Variants in COL18A1 observed in about 807,000 individuals in gnomAD.
COL18A1 encodes the protein collagen alpha-1(XVIII) chain.
COL18A1 carries 133 observed loss-of-function variants against 168.0 expected under a neutral mutation model. The observed-to-expected ratio is 0.79, with a 90% CI of 0.69 to 0.91. The LOEUF (loss-of-function observed/expected upper bound fraction) is 0.91, where lower values mean the gene tolerates loss of function less well. COL18A1 is among the 40% of genes least tolerant of loss of function. The probability of loss-of-function intolerance (pLI) is 0.00; values close to 1 mark genes in which losing one functional copy is unlikely to be tolerated. For missense variants in COL18A1, 2,126 were observed against 1,925.4 expected, an observed-to-expected ratio of 1.10 and a Z score of -1.95; for synonymous variants, 949 against 809.0, an observed-to-expected ratio of 1.17 and a Z score of -2.94.
intron 2 of COL18A1, among the ~76,000 whole-genome samples, chr21:45,451,027 G>A (rs143897917): frequency 0.012 from 1,839 of 152,354 alleles, 15 homozygotes; most frequent in Non-Finnish European, 0.018. Flanking sequence ...CTGGAGACAG[G>A]GCCCGACTCT....
chr21:45,488,527 T>C (rs2036193283), intron 18 of COL18A1, 83 bp downstream of exon 18: 2 of 1,601,486 alleles, frequency 1.2e-6, no homozygotes, highest in Non-Finnish European at 1.7e-6. Context: ...GACAGGGCCT[T>C]GCCTCGGGTT....
rs1221900745 is a variant in COL18A1, at chr21:45,513,094, A to AGAT, written c.*700_*702dup. 2 of 154,510 alleles carry AGAT rather than the reference A, an allele frequency of 1.3e-5. No homozygotes were observed. Among genetic ancestry groups the AGAT allele is most frequent in the South Asian group, 2.0e-4 (1 of 4,972 alleles). The allele number at this position is 154,510 out of a possible 1,614,324, so 9.6% of individuals were successfully genotyped here. A position where few individuals can be genotyped will look rare whatever the true frequency, so the allele number is the denominator to read the frequency against. ...GGGCTGGCCTCCCAAATGAGCCATG[A>AGAT]GATGATACATCCAAAGCAGACAGCT... is the stretch of plus-strand genomic sequence containing the variant. On this transcript the variant is annotated 3_prime_UTR_variant, in exon 42 of 42. Coordinates refer to ENST00000651438, the MANE Select transcript of COL18A1 (RefSeq NM_001379500.1).
intron 2 of COL18A1, among the ~76,000 whole-genome samples, chr21:45,414,748 A>T (rs2033394352): frequency 6.6e-6 from 1 of 152,130 alleles, no homozygotes; most frequent in Non-Finnish European, 1.5e-5. Flanking sequence ...CAAAACCCTC[A>T]TTTATGCTTC....
At chr21:45,427,599 G>C (rs985670874) in intron 2 of COL18A1, among the ~76,000 whole-genome samples, 2 of 152,194 alleles carry the variant, frequency 1.3e-5, no homozygotes, top group Non-Finnish European at 2.9e-5. Flanking sequence ...CACGGCGGGC[G>C]GGGAGCGGAA....
Position 45,423,502 on chromosome 21 carries a change from C to A in COL18A1, c.106+18029C>A, listed in dbSNP as rs1259358155. On this transcript the variant is annotated intron_variant, in intron 2 of 41. Transcript: ENST00000651438. The surrounding 1 kb of genome is among the most constrained non-coding windows in gnomAD (Gnocchi z 4.0). ...CTGGGCGCCCGCCCCCCGCCCCCCG[C>A]CCCCCGGAGGGCCCGGCTCCAAGGG... Among the ~76,000 whole-genome samples, 4 of 148,852 alleles carry A rather than the reference C, an allele frequency of 2.7e-5. No homozygotes were observed. The highest frequency in any genetic ancestry group is 9.9e-5 in the African/African-American group (4 of 40,274).
intron 20 of COL18A1, 35 bp from the exon 21 acceptor site, chr21:45,490,801 G>T: frequency 6.5e-7 from 1 of 1,548,994 alleles, no homozygotes; most frequent in Non-Finnish European, 8.7e-7. Context: ...TCCTGTTTCT[G>T]TTGGTGATGA....
chr21:45,497,827 A>T (rs1451579850), intron 32 of COL18A1, 166 bp downstream of exon 32: 1 of 904,568 alleles, frequency 1.1e-6, no homozygotes, highest in South Asian at 1.6e-5. Context: ...TGGGGGCCTC[A>T]TAGGACCTGG....
intron 2 of COL18A1, among the ~76,000 whole-genome samples, chr21:45,412,399 G>C (rs553780955): frequency 6.6e-6 from 1 of 151,630 alleles, no homozygotes; most frequent in Non-Finnish European, 1.5e-5. Context: ...ACCACGCCTG[G>C]CTAATTTTTT....
intron 22 of COL18A1, among the ~76,000 whole-genome samples, chr21:45,491,823 C>T (rs777124105): frequency 1.1e-4 from 16 of 152,234 alleles, no homozygotes; most frequent in Non-Finnish European, 1.9e-4. Flanking sequence ...CGCATCTCCG[C>T]CCAGCCACAT....
intron 2 of COL18A1, among the ~76,000 whole-genome samples, chr21:45,452,506 C>T (rs1016275744): frequency 8.3e-5 from 12 of 144,254 alleles, no homozygotes; most frequent in East Asian, 2.1e-4. Flanking sequence ...TGTGTATTCA[C>T]GTGACGTGTG....
intron 19 of COL18A1, 23 bp from the exon 20 acceptor site, chr21:45,490,252 C>T (rs747040905): frequency 3.5e-5 from 55 of 1,560,368 alleles, no homozygotes; most frequent in East Asian, 7.1e-5. Flanking sequence ...CAATGCCCTG[C>T]GTCCTCCATG....
At chr21:45,435,121 G>C (rs868126761) in intron 2 of COL18A1, among the ~76,000 whole-genome samples, 1 of 151,814 alleles carries the variant, frequency 6.6e-6, no homozygotes, top group Non-Finnish European at 1.5e-5. Context: ...AGGTGGGGAT[G>C]GTGGGGTGAA....
chr21:45,414,766 G>A (rs1023964568), intron 2 of COL18A1, among the ~76,000 whole-genome samples: 5 of 152,204 alleles, frequency 3.3e-5, no homozygotes, highest in African/African-American at 4.8e-5. Context: ...TTCCACTTCC[G>A]ATCACACGCA....
At chr21:45,489,852 TCCCCCACTTGCC>T in intron 19 of COL18A1, among the ~76,000 whole-genome samples, 1 of 16,128 alleles carries the variant, frequency 6.2e-5, no homozygotes, top group Non-Finnish European at 1.2e-4. Context: ...CCACACTGCC[TCCCCCACTTGCC>T]CCTCCCCCAC....
At chr21:45,412,260 G>A (rs1173009267) in intron 2 of COL18A1, among the ~76,000 whole-genome samples, 4 of 139,358 alleles carry the variant, frequency 2.9e-5, no homozygotes, top group African/African-American at 1.1e-4. Flanking sequence ...TTTTCGAGAT[G>A]GAGTCTGGCT....
At position 45,489,378 on chromosome 21, in the gene COL18A1, G is replaced by A. The variant is rs1025682500; in HGVS notation, c.1924-108G>A. The A allele has an allele frequency of 6.4e-5, 53 of 827,106 alleles. 1 individual carries two copies. The highest frequency in any genetic ancestry group is 5.8e-4 in the South Asian group (40 of 69,548). The allele number at this position is 827,106 out of a possible 1,614,324, so 51.2% of individuals were successfully genotyped here. Reference sequence around the variant, plus strand: ...CCTCGGCTCTGGGCTGGGGGAGGGCGGTGAGATGCATCCTGGGTAACTCAC... The same window carrying A: ...CCTCGGCTCTGGGCTGGGGGAGGGCAGTGAGATGCATCCTGGGTAACTCAC... On this transcript the variant is annotated intron_variant, in intron 18 of 41. Transcript: ENST00000651438.
chr21:45,460,365 C>T (rs887077662), intron 2 of COL18A1, among the ~76,000 whole-genome samples: 20 of 152,194 alleles, frequency 1.3e-4, no homozygotes, highest in African/African-American at 4.1e-4. Context: ...ACACACACGC[C>T]GGCCAAGTCG....
chr21:45,471,180 G>T lies in COL18A1; in HGVS notation c.651+2394G>T, dbSNP rs4818779. Among the ~76,000 whole-genome samples, 32,114 of 151,018 alleles carry T rather than the reference G, an allele frequency of 0.21. 4,490 individuals carry two copies. The highest frequency in any genetic ancestry group is 0.41 in the African/African-American group (16,583 of 40,864). ...TGCAGCAGGCCGTGTGCTGCTGGGC[G>T]TGGGTGGCGCGCTATGGGCCGTGTG... On this transcript the variant is annotated intron_variant, in intron 3 of 41. Transcript: ENST00000651438. The surrounding 1 kb of genome is among the most constrained non-coding windows in gnomAD (Gnocchi z 4.4).
In COL18A1 at chr21:45,479,876, C is replaced by G. The variant is rs763614495; in HGVS notation, c.1249-26C>G. 12 of 1,613,220 alleles carry G rather than the reference C, an allele frequency of 7.4e-6. No individual in the cohort carries two copies. In the South Asian group the frequency reaches 9.9e-5, roughly 13 times the overall value. The stretch of plus-strand genomic sequence containing the variant: ...CGGCCCATGGTGGTGCCTTCCCTGA[C>G]CGGGCCCCCGGATGTTGTGTTCCAG... On this transcript the variant is annotated intron_variant, in intron 9 of 41. Coordinates refer to ENST00000651438, the MANE Select transcript of COL18A1 (RefSeq NM_001379500.1).
Sources: gnomAD v4.1 joint callset for allele counts (sites outside exome capture counted in the v4.1 genomes callset) on GRCh38, gnomAD v4.1.1 for gene constraint, Gnocchi (gnomAD v3.1) non-coding constraint, MANE v1.5 for transcripts, NCBI Gene and HGNC (gene_info 2026-07-23, HGNC 2026-07-21) for gene names.